Variants in PAX5 observed in about 807,000 individuals in gnomAD.
PAX5 encodes paired box protein Pax-5.
Under a neutral mutation model 43.7 loss-of-function variants are expected in PAX5, and 9 were observed. That is an observed-to-expected ratio of 0.21 (90% CI 0.12 to 0.36). PAX5 has a LOEUF of 0.36. Among genes scored for constraint, PAX5 ranks in the 10% least tolerant of loss-of-function variants. The pLI, the probability that PAX5 is intolerant of heterozygous loss-of-function variation, is 1.00. For missense variants in PAX5, 383 were observed against 532.7 expected, an observed-to-expected ratio of 0.72 and a Z score of 2.77; for synonymous variants, 228 against 214.3, an observed-to-expected ratio of 1.06 and a Z score of -0.56.
rs145417163 is a variant in PAX5, at chr9:36,892,475, T to C, written c.911-10370A>G. Among the ~76,000 whole-genome samples the C allele has an allele frequency of 4.3e-3, 655 of 152,302 alleles. 8 individuals carry two copies. Among genetic ancestry groups the C allele is most frequent in the African/African-American group, 0.015 (616 of 41,566 alleles). On this transcript the variant is annotated intron_variant, in intron 7 of 9. Transcript: ENST00000358127. ...AGTACCGCAGCCACTCCAGGAGATA[T>C]CATCAAGCTTTACAATCCCCAGTTT...
At chr9:36,904,134 G>A (rs1460254158) in intron 7 of PAX5, among the ~76,000 whole-genome samples, 2 of 152,240 alleles carry the variant, frequency 1.3e-5, no homozygotes, top group African/African-American at 4.8e-5. Flanking sequence ...CTATTAATAA[G>A]TCAAGGGCTT....
chr9:36,856,846 G>A (rs1823726085), intron 8 of PAX5, among the ~76,000 whole-genome samples: 1 of 152,192 alleles, frequency 6.6e-6, no homozygotes, highest in Non-Finnish European at 1.5e-5. Flanking sequence ...TACAAAGATA[G>A]GAAGGCTCTA....
chr9:36,959,068 C>T (rs1321566849), intron 6 of PAX5, among the ~76,000 whole-genome samples: 4 of 152,234 alleles, frequency 2.6e-5, no homozygotes, highest in African/African-American at 9.6e-5. Context: ...TCCTGTGATG[C>T]AGACTGACCC....
In PAX5 at chr9:36,943,529, T is replaced by TACACACAC. The variant is rs1554668821; in HGVS notation, c.781-20053_781-20046dup. Among the ~76,000 whole-genome samples, 799 of 145,994 alleles carry TACACACAC rather than the reference T, an allele frequency of 5.5e-3. 5 individuals carry two copies. Among genetic ancestry groups the TACACACAC allele is most frequent in the East Asian group, 0.025 (122 of 4,788 alleles). On this transcript the variant is annotated intron_variant, in intron 6 of 9. Transcript: ENST00000358127. ...TGAGTATTTGTGGATTAGTTCAACA[T>TACACACAC]ACACACACACACACACACACACACA...
intron 6 of PAX5, among the ~76,000 whole-genome samples, chr9:36,948,488 G>T (rs928648094): frequency 6.6e-6 from 1 of 152,148 alleles, no homozygotes; most frequent in Non-Finnish European, 1.5e-5. Flanking sequence ...GTTTGTAGGG[G>T]AAGATCCTTA....
chr9:36,939,439 C>G (rs754320934), intron 6 of PAX5, among the ~76,000 whole-genome samples: 1 of 152,166 alleles, frequency 6.6e-6, no homozygotes, highest in Non-Finnish European at 1.5e-5. Context: ...CCATTTTGTT[C>G]TGAAACCCCA....
At chr9:36,895,431 C>G (rs1563941707) in intron 7 of PAX5, among the ~76,000 whole-genome samples, 1 of 152,200 alleles carries the variant, frequency 6.6e-6, no homozygotes, top group Non-Finnish European at 1.5e-5. Flanking sequence ...GAGGCTCAGC[C>G]TAGCGGTGAA....
chr9:36,989,771 T>C (rs1836770442), intron 5 of PAX5, among the ~76,000 whole-genome samples: 1 of 152,216 alleles, frequency 6.6e-6, no homozygotes, highest in African/African-American at 2.4e-5. Flanking sequence ...TGTGTTCTGC[T>C]CAGCAGCCTC....
chr9:37,006,907 G>A (rs1838448130), intron 3 of PAX5, among the ~76,000 whole-genome samples: 1 of 152,208 alleles, frequency 6.6e-6, no homozygotes, highest in Non-Finnish European at 1.5e-5. Context: ...ACTTTAGGGA[G>A]TCCTTCCCTT....
intron 6 of PAX5, among the ~76,000 whole-genome samples, chr9:36,940,040 C>A (rs1030598123): frequency 2.6e-5 from 4 of 152,226 alleles, no homozygotes; most frequent in South Asian, 2.1e-4. Flanking sequence ...CCACTCCAGC[C>A]GGGGCTTAAT....
At chr9:36,868,851 T>G (rs4880023) in intron 8 of PAX5, among the ~76,000 whole-genome samples, 122,249 of 151,874 alleles carry the variant, frequency 0.8, 50,790 homozygotes, top group Non-Finnish European at 0.91. Flanking sequence ...ATGGATATGC[T>G]CACTCCAACC....
At chr9:36,851,894 C>A (rs1322755940) in intron 8 of PAX5, among the ~76,000 whole-genome samples, 3 of 152,192 alleles carry the variant, frequency 2.0e-5, no homozygotes, top group Non-Finnish European at 4.4e-5. Context: ...GTGTGCTCTG[C>A]TCTCTGCTGT....
At chr9:36,975,856 A>AT (rs1010867919) in intron 5 of PAX5, among the ~76,000 whole-genome samples, 2 of 152,138 alleles carry the variant, frequency 1.3e-5, no homozygotes, top group Non-Finnish European at 2.9e-5. Context: ...CAGAATTAGT[A>AT]TTTTTTTCCC....
intron 5 of PAX5, among the ~76,000 whole-genome samples, chr9:36,984,616 A>C (rs1483970712): frequency 6.6e-6 from 1 of 151,012 alleles, no homozygotes; most frequent in African/African-American, 2.4e-5. Flanking sequence ...AATTTTTTGT[A>C]TTTTTAGTAG....
chr9:36,842,372 G>A (rs1048858657), intron 9 of PAX5, among the ~76,000 whole-genome samples: 9 of 152,038 alleles, frequency 5.9e-5, no homozygotes, highest in Non-Finnish European at 8.8e-5. Context: ...CCCTACACAC[G>A]GGCCCCAGAG....
At chr9:36,951,692 T>C (rs55682749) in intron 6 of PAX5, among the ~76,000 whole-genome samples, 10,142 of 152,294 alleles carry the variant, frequency 0.067, 397 homozygotes, top group South Asian at 0.13. Context: ...AATCTATTTA[T>C]CGAGACTACT....
Position 36,865,524 on chromosome 9 carries a change from G to A in PAX5, c.1012+16480C>T, listed in dbSNP as rs571150904. 1.3e-5 allele frequency among the ~76,000 whole-genome samples: 2 copies of A among 152,310 alleles called. 1 individual carries two copies. The highest frequency in any genetic ancestry group is 1.3e-4 in the Admixed American group (2 of 15,304). On this transcript the variant is annotated intron_variant, in intron 8 of 9. Transcript: ENST00000358127. ...AATAAGTGAGTCAAGGAAGAAGGGA[G>A]GAAGGGAAGAGAGGAGGGAAGGCAG...
intron 5 of PAX5, 68 bp from the exon 6 acceptor site, chr9:36,966,792 A>G: frequency 7.0e-7 from 1 of 1,436,626 alleles, no homozygotes; most frequent in Non-Finnish European, 9.6e-7. Context: ...GACAGGTCAG[A>G]CCCTGAGACT....
Position 36,839,854 on chromosome 9 carries a change from C to T in PAX5, c.*706G>A. The T allele has an allele frequency of 4.3e-6, 1 of 233,792 alleles. No individual in the cohort carries two copies. Among genetic ancestry groups the T allele is most frequent in the Non-Finnish European group, 8.4e-6 (1 of 118,388 alleles). 14.5% of individuals were successfully genotyped at this position (233,792 alleles called of 1,614,324 possible). On this transcript the variant is annotated 3_prime_UTR_variant, in exon 10 of 10. Transcript: ENST00000358127. Reference sequence around the variant, plus strand: ...TGCATCGGTCCCAGAGAAATGGAGGCAGGAAACCAGGACATCTCCCCAAAG... The same window carrying T: ...TGCATCGGTCCCAGAGAAATGGAGGTAGGAAACCAGGACATCTCCCCAAAG...
Sources: allele counts gnomAD v4.1 joint callset (sites outside exome capture counted in the v4.1 genomes callset), GRCh38; gene constraint gnomAD v4.1.1; transcripts MANE v1.5; gene names NCBI Gene and HGNC (gene_info 2026-07-23, HGNC 2026-07-21).